CCDC171: variants seen among roughly 807,000 people sequenced by gnomAD.
CCDC171 encodes the protein coiled-coil domain containing 171.
CCDC171 carries 177 observed loss-of-function variants against 168.2 expected under a neutral mutation model. That is an observed-to-expected ratio of 1.05 (90% confidence interval 0.93 to 1.19). The LOEUF (loss-of-function observed/expected upper bound fraction) is 1.19, where lower values mean the gene tolerates loss of function less well. CCDC171 is among the 50% of genes most tolerant of loss of function. CCDC171 has a pLI of 0.00. For missense variants in CCDC171, 1,991 were observed against 1,539.0 expected (o/e 1.29, Z -4.91); for synonymous variants, 687 against 540.8 (o/e 1.27, Z -3.75).
Position 15,822,257 on chromosome 9 carries a change from C to G in CCDC171, c.3268-24445C>G, listed in dbSNP as rs557350833. 5.9e-5 allele frequency among the ~76,000 whole-genome samples: 9 copies of G among 152,164 alleles called. No homozygotes were observed. The South Asian group carries it at 1.7e-3, about 28-fold the overall frequency. The stretch of plus-strand genomic sequence containing the variant: ...AGAAGAAAACCTAGGCAATACCATT[C>G]AGGACATAGGCATGGGCAAGGATTT... On this transcript the variant is annotated intron_variant, in intron 21 of 25. Coordinates refer to ENST00000380701, the MANE Select transcript of CCDC171 (RefSeq NM_173550.4).
At chr9:15,756,864 C>G (rs1396415487) in intron 18 of CCDC171, among the ~76,000 whole-genome samples, 1 of 152,194 alleles carries the variant, frequency 6.6e-6, no homozygotes, top group African/African-American at 2.4e-5. Context: ...GAAACACATT[C>G]TGCTTCATTC....
intron 11 of CCDC171, among the ~76,000 whole-genome samples, chr9:15,713,342 G>A (rs1318165068): frequency 6.6e-6 from 1 of 151,088 alleles, no homozygotes; most frequent in Non-Finnish European, 1.5e-5. Context: ...TTTGTGAGCT[G>A]GTCATAGAGA....
intron 2 of CCDC171, among the ~76,000 whole-genome samples, chr9:15,567,484 G>T (rs917838381): frequency 1.3e-5 from 2 of 152,140 alleles, no homozygotes; most frequent in African/African-American, 4.8e-5. Flanking sequence ...AATGTCTGTT[G>T]GGGTTTTAAT....
At chr9:15,939,334 T>C (rs1380262170) in intron 25 of CCDC171, among the ~76,000 whole-genome samples, 3 of 151,748 alleles carry the variant, frequency 2.0e-5, no homozygotes, top group Non-Finnish European at 4.4e-5. Context: ...TGTAGAAATA[T>C]GGTATTTATC....
intron 21 of CCDC171, among the ~76,000 whole-genome samples, chr9:15,814,145 C>T (rs1325861029): frequency 1.3e-5 from 2 of 152,158 alleles, no homozygotes; most frequent in Non-Finnish European, 2.9e-5. Flanking sequence ...GAAAACAAAG[C>T]ATCTGAAATA....
At chr9:15,991,021 A>G (rs1390195673) in intron 3 of CCDC171, among the ~76,000 whole-genome samples, 1 of 152,200 alleles carries the variant, frequency 6.6e-6, no homozygotes, top group African/African-American at 2.4e-5. Context: ...GATCAACGAG[A>G]CAGAAAGTTA....
chr9:16,098,703 G>A, the CCDC171 span, among the ~76,000 whole-genome samples: 1 of 152,182 alleles, frequency 6.6e-6, no homozygotes. Flanking sequence ...TTGAATTGCT[G>A]TCTCAATTCA....
intron 21 of CCDC171, among the ~76,000 whole-genome samples, chr9:15,838,717 C>G (rs1470722108): frequency 6.6e-6 from 1 of 152,200 alleles, no homozygotes; most frequent in Non-Finnish European, 1.5e-5. Flanking sequence ...CAGGCATTCA[C>G]CACCACGCCT....
chr9:15,854,630 GT>G (rs1372154363), intron 23 of CCDC171, among the ~76,000 whole-genome samples: 3 of 151,344 alleles, frequency 2.0e-5, no homozygotes, highest in Non-Finnish European at 3.0e-5. Flanking sequence ...TTTGCTTTGG[GT>G]TTAGTTTGCG....
chr9:15,848,968 T>C lies in CCDC171; in HGVS notation c.3468+21T>C, dbSNP rs376114039. On this transcript the variant is annotated intron_variant, in intron 23 of 25. Coordinates refer to ENST00000380701, the MANE Select transcript of CCDC171 (RefSeq NM_173550.4). ...ACAAGGTACTGTTATTTTTCTTTAA[T>C]ATTGTTCAATTTGTGTCATGACACC... is the stretch of plus-strand genomic sequence containing the variant. The C allele has an allele frequency of 1.4e-5, 19 of 1,385,038 alleles. No homozygotes were observed. In the African/African-American group the frequency reaches 1.6e-4, roughly 12 times the overall value. The allele number at this position is 1,385,038 out of a possible 1,614,324, so 85.8% of individuals were successfully genotyped here.
chr9:15,996,447 G>T (rs1832377745), intron 3 of CCDC171, among the ~76,000 whole-genome samples: 1 of 148,662 alleles, frequency 6.7e-6, no homozygotes, highest in Non-Finnish European at 1.5e-5. Flanking sequence ...TTTTTGCGGG[G>T]GGCGGACATT....
chr9:15,827,017 T>C (rs529306690), intron 21 of CCDC171, among the ~76,000 whole-genome samples: 2 of 152,322 alleles, frequency 1.3e-5, no homozygotes, highest in South Asian at 2.1e-4. Context: ...TGTATATAGT[T>C]AAGAGTTGGT....
intron 21 of CCDC171, among the ~76,000 whole-genome samples, chr9:15,788,482 GA>G (rs1180812574): frequency 1.6e-5 from 2 of 121,780 alleles, no homozygotes; most frequent in Non-Finnish European, 3.4e-5. Context: ...ATAAGATCAT[GA>G]GTAGAAGATA....
At chr9:15,780,474 G>A (rs551257304) in intron 20 of CCDC171, among the ~76,000 whole-genome samples, 1 of 152,064 alleles carries the variant, frequency 6.6e-6, no homozygotes, top group South Asian at 2.1e-4. Flanking sequence ...CTAGAGGCCA[G>A]GAATTCAAGA....
chr9:16,027,157 TTTAA>T (rs1244372184), intron 6 of CCDC171, among the ~76,000 whole-genome samples: 1 of 152,254 alleles, frequency 6.6e-6, no homozygotes, highest in African/African-American at 2.4e-5. Context: ...AGCACAAATG[TTTAA>T]TTAATCAGGA....
At chr9:15,699,081 G>A (rs1003052120) in intron 11 of CCDC171, among the ~76,000 whole-genome samples, 3 of 118,566 alleles carry the variant, frequency 2.5e-5, no homozygotes, top group East Asian at 2.0e-4. Context: ...GGACCCTTGC[G>A]GTGAGCGTTA....
At chr9:15,707,544 T>G (rs2052341661) in intron 11 of CCDC171, among the ~76,000 whole-genome samples, 4 of 152,256 alleles carry the variant, frequency 2.6e-5, no homozygotes, top group Admixed American at 2.6e-4. Context: ...TCTTGTTCTC[T>G]TCTCTTTGGA....
At chr9:16,057,630 T>G (rs1041553156) in intron 1 of CCDC171, among the ~76,000 whole-genome samples, 3 of 152,202 alleles carry the variant, frequency 2.0e-5, no homozygotes, top group African/African-American at 7.2e-5. Flanking sequence ...GTCCCTTGTC[T>G]CTTCATGTGA....
chr9:15,964,212 C>A (rs957615705), intron 25 of CCDC171, among the ~76,000 whole-genome samples: 1 of 152,126 alleles, frequency 6.6e-6, no homozygotes. Context: ...AAATATGCTA[C>A]CCTCAGCCTA....
Sources: allele counts gnomAD v4.1 joint callset (sites outside exome capture counted in the v4.1 genomes callset), GRCh38; gene constraint gnomAD v4.1.1; transcripts MANE v1.5; gene names NCBI Gene and HGNC (gene_info 2026-07-23, HGNC 2026-07-21).